OSBPL6: variants seen among roughly 807,000 people sequenced by gnomAD.
OSBPL6 encodes oxysterol binding protein like 6, also known as oxysterol-binding protein-related protein 6.
A neutral mutation model predicts 125.8 loss-of-function variants in OSBPL6; 49 were observed. The ratio of observed to expected loss-of-function variants is 0.39; its 90% CI spans 0.31 to 0.49. The LOEUF (loss-of-function observed/expected upper bound fraction) is 0.49. Ranked by LOEUF, OSBPL6 falls within the 20% of genes least tolerant of loss-of-function variation. The probability of loss-of-function intolerance (pLI) is 0.88; values close to 1 mark genes in which losing one functional copy is unlikely to be tolerated. For missense variants in OSBPL6, 986 were observed against 1,135.4 expected, an observed-to-expected ratio of 0.87 and a Z score of 1.89; for synonymous variants, 394 against 391.8, an observed-to-expected ratio of 1.01 and a Z score of -0.07.
intron 1 of OSBPL6, among the ~76,000 whole-genome samples, chr2:178,248,269 A>G (rs544529833): frequency 2.0e-5 from 3 of 152,356 alleles, no homozygotes; most frequent in East Asian, 3.9e-4. Context: ...TCCCTGATAC[A>G]TTTTTAAAGT....
At chr2:178,205,435 A>G (rs1172997512) in intron 1 of OSBPL6, among the ~76,000 whole-genome samples, 1 of 152,228 alleles carries the variant, frequency 6.6e-6, no homozygotes, top group Non-Finnish European at 1.5e-5. Flanking sequence ...AAGAAGTCTT[A>G]GAATTCTACC....
rs745345920 is a variant in OSBPL6, at chr2:178,402,491, G to C, written c.*6932G>C. ...AAATCCTGTGGCAAAGCACACTCTTGATCACCTACTTAACAAGAAGGTCTA... is the reference window on the plus strand; with the variant it reads ...AAATCCTGTGGCAAAGCACACTCTTCATCACCTACTTAACAAGAAGGTCTA... On this transcript the variant is annotated 3_prime_UTR_variant, in exon 25 of 25. Transcript: ENST00000190611. The C allele has an allele frequency of 9.2e-5, 14 of 152,142 alleles. No individual in the cohort carries two copies. Among genetic ancestry groups the C allele is most frequent in the African/African-American group, 3.4e-4 (14 of 41,408 alleles). 9.4% of individuals were successfully genotyped at this position (152,142 alleles called of 1,614,324 possible). A position where few individuals can be genotyped will look rare whatever the true frequency, so the allele number is the denominator to read the frequency against.
chr2:178,204,025 C>CTTTTTTTTT (rs1166160655), intron 1 of OSBPL6, among the ~76,000 whole-genome samples: 2 of 129,002 alleles, frequency 1.6e-5, no homozygotes, highest in African/African-American at 2.9e-5. Context: ...TTTTCTTTTT[C>CTTTTTTTTT]TTTTTTTTTT....
chr2:178,219,298 C>T (rs953370322), intron 1 of OSBPL6, among the ~76,000 whole-genome samples: 6 of 152,096 alleles, frequency 3.9e-5, no homozygotes, highest in Non-Finnish European at 7.4e-5. Flanking sequence ...ATTTCTATCC[C>T]CATTTTACAA....
rs1382979979 is a variant in OSBPL6, at chr2:178,332,673, T to C, written c.405T>C (p.Asp135=). The C allele has an allele frequency of 2.5e-6, 4 of 1,613,986 alleles. No homozygotes were observed. The highest frequency in any genetic ancestry group is 3.3e-5 in the Admixed American group (2 of 60,004). Residue 135 remains aspartate, a synonymous_variant, in exon 7 of 25, where the codon GAT becomes GAC. Coordinates refer to ENST00000190611, the MANE Select transcript of OSBPL6 (RefSeq NM_032523.4). The part of the protein sequence containing the change: ...IQKGKVHGSI[D]VGLSVMSIKK... ...AAGGAAAGGTCCATGGGAGCATAGA[T>C]GTGGGACTCTCAGTCATGTCAATTA...
chr2:178,316,150 TA>T (rs1400089207), intron 3 of OSBPL6, among the ~76,000 whole-genome samples: 2 of 152,186 alleles, frequency 1.3e-5, no homozygotes, highest in African/African-American at 4.8e-5. Context: ...TCAAAAATTT[TA>T]ATAGCCAGCA....
chr2:178,317,330 C>T (rs1016192827), intron 3 of OSBPL6, among the ~76,000 whole-genome samples: 3 of 150,480 alleles, frequency 2.0e-5, no homozygotes, highest in Non-Finnish European at 4.4e-5. Flanking sequence ...TTTCAAACCA[C>T]TTTGAGGTGC....
chr2:178,300,100 G>C (rs967059151), intron 2 of OSBPL6, among the ~76,000 whole-genome samples: 1 of 152,330 alleles, frequency 6.6e-6, no homozygotes. Flanking sequence ...TTTTATGAAA[G>C]CTATATATCT....
chr2:178,376,280 G>T (rs1449479822), intron 15 of OSBPL6, among the ~76,000 whole-genome samples: 1 of 151,980 alleles, frequency 6.6e-6, no homozygotes, highest in Non-Finnish European at 1.5e-5. Flanking sequence ...ACCCCAGCCT[G>T]CCCATACCTC....
intron 3 of OSBPL6, chr2:178,320,517 G>A: frequency 9.2e-7 from 1 of 1,081,136 alleles, no homozygotes; most frequent in Admixed American, 2.2e-5. Flanking sequence ...TAATTAACTG[G>A]TTTACATAAC....
Position 178,239,581 on chromosome 2 carries a change from A to T in OSBPL6, c.-351+44907A>T, listed in dbSNP as rs1574590915. Among the ~76,000 whole-genome samples, 3 of 149,316 alleles carry T rather than the reference A, an allele frequency of 2.0e-5. No individual in the cohort carries two copies. In the South Asian group the frequency reaches 6.3e-4, roughly 32 times the overall value. On this transcript the variant is annotated intron_variant, in intron 1 of 24. Transcript: ENST00000190611. ...CCCTGTTCTAAGATATTATTAATTT[A>T]ATGAACTTTATTTTATTTATTTATT...
intron 20 of OSBPL6, among the ~76,000 whole-genome samples, chr2:178,388,672 T>TA (rs967226025): frequency 5.4e-4 from 82 of 152,308 alleles, no homozygotes; most frequent in African/African-American, 1.8e-3. Flanking sequence ...ATTGAAGGAC[T>TA]AAAAACTCTT....
chr2:178,274,419 TAAAC>T (rs1345586619), intron 1 of OSBPL6, among the ~76,000 whole-genome samples: 5 of 152,010 alleles, frequency 3.3e-5, no homozygotes, highest in Non-Finnish European at 7.4e-5. Flanking sequence ...TATATATAAA[TAAAC>T]TAATAAATAA....
At chr2:178,283,583 T>C (rs1684422659) in intron 1 of OSBPL6, among the ~76,000 whole-genome samples, 1 of 145,160 alleles carries the variant, frequency 6.9e-6, no homozygotes, top group African/African-American at 2.6e-5. Context: ...TTCTCTTATC[T>C]TATGATGAAT....
chr2:178,274,969 C>A (rs1325354479), intron 1 of OSBPL6, among the ~76,000 whole-genome samples: 1 of 151,894 alleles, frequency 6.6e-6, no homozygotes, highest in African/African-American at 2.4e-5. Flanking sequence ...GTCTCTGAAG[C>A]GCACTCCTAG....
chr2:178,240,621 C>T (rs979836123), intron 1 of OSBPL6, among the ~76,000 whole-genome samples: 5 of 151,924 alleles, frequency 3.3e-5, no homozygotes, highest in African/African-American at 1.2e-4. Flanking sequence ...GGTGTGGTGG[C>T]AGGAGCCTGT....
At chr2:178,204,631 CA>C (rs1288220101) in intron 1 of OSBPL6, among the ~76,000 whole-genome samples, 2 of 152,218 alleles carry the variant, frequency 1.3e-5, no homozygotes, top group African/African-American at 4.8e-5. Context: ...TTGTCTCCAA[CA>C]GGAAGATAAA....
At chr2:178,276,206 T>G (rs2092465584) in intron 1 of OSBPL6, among the ~76,000 whole-genome samples, 1 of 152,158 alleles carries the variant, frequency 6.6e-6, no homozygotes, top group African/African-American at 2.4e-5. Flanking sequence ...GCAAATATTC[T>G]GTCAAGATTC....
intron 17 of OSBPL6, 116 bp downstream of exon 17, chr2:178,383,393 A>G: frequency 7.2e-7 from 1 of 1,387,704 alleles, no homozygotes; most frequent in Non-Finnish European, 9.5e-7. Context: ...ACTGCATAGT[A>G]AAAGAGGAAT....
Sources: allele counts gnomAD v4.1 joint callset (sites outside exome capture counted in the v4.1 genomes callset), GRCh38; gene constraint gnomAD v4.1.1; transcripts MANE v1.5; gene names NCBI Gene and HGNC (gene_info 2026-07-23, HGNC 2026-07-21).